The following DLGAP2 variants were observed in gnomAD, a reference collection of about 807,000 sequenced individuals.
DLGAP2 encodes disks large-associated protein 2.
Under a neutral mutation model 100.3 loss-of-function variants are expected in DLGAP2, and 26 were observed. The observed-to-expected ratio is 0.26, with a 90% CI of 0.19 to 0.36. The LOEUF is 0.36. Among genes scored for constraint, DLGAP2 ranks in the 10% least tolerant of loss-of-function variants. The pLI, the probability that DLGAP2 is intolerant of heterozygous loss-of-function variation, is 1.00. For synonymous variants in DLGAP2, 886 were observed against 630.1 expected, an observed-to-expected ratio of 1.41 and a Z score of -6.08; for missense variants, 1,858 against 1,453.2, an observed-to-expected ratio of 1.28 and a Z score of -4.53.
At chr8:1,438,318 G>A (rs1797712113) in intron 3 of DLGAP2, among the ~76,000 whole-genome samples, 1 of 152,186 alleles carries the variant, frequency 6.6e-6, no homozygotes, top group Non-Finnish European at 1.5e-5. Flanking sequence ...TTCCATTACT[G>A]AGAATTAAAA....
At chr8:1,653,273 T>C (rs181067577) in intron 8 of DLGAP2, among the ~76,000 whole-genome samples, 24 of 150,490 alleles carry the variant, frequency 1.6e-4, no homozygotes, top group African/African-American at 5.9e-4. Flanking sequence ...ACACTGGCAT[T>C]GCATTGGTTC....
At chr8:1,543,118 C>T (rs531821579) in intron 4 of DLGAP2, among the ~76,000 whole-genome samples, 12 of 152,316 alleles carry the variant, frequency 7.9e-5, no homozygotes, top group African/African-American at 2.6e-4. Context: ...TTCACAAATA[C>T]GTGATTTACA....
intron 3 of DLGAP2, among the ~76,000 whole-genome samples, chr8:1,299,532 C>G (rs1800280434): frequency 6.6e-6 from 1 of 152,188 alleles, no homozygotes; most frequent in African/African-American, 2.4e-5. Context: ...ACGGTCCATG[C>G]CAACTGCAAC....
chr8:1,005,121 A>C (rs1480630349), intron 2 of DLGAP2, among the ~76,000 whole-genome samples: 5 of 152,218 alleles, frequency 3.3e-5, no homozygotes, highest in Admixed American at 2.6e-4. Context: ...GAAAAGATCG[A>C]AAGTAGTGTC....
chr8:1,209,269 C>T (rs1418051736), intron 2 of DLGAP2, among the ~76,000 whole-genome samples: 1 of 152,138 alleles, frequency 6.6e-6, no homozygotes, highest in Non-Finnish European at 1.5e-5. Flanking sequence ...AGGCTATAAT[C>T]ACCAAAACAG....
chr8:1,366,754 G>A (rs1365189561), intron 3 of DLGAP2, among the ~76,000 whole-genome samples: 2 of 152,170 alleles, frequency 1.3e-5, no homozygotes, highest in African/African-American at 2.4e-5. Context: ...CATCCAGGAG[G>A]CTGGACCTTC....
intron 2 of DLGAP2, among the ~76,000 whole-genome samples, chr8:1,021,239 A>C (rs545057709): frequency 6.6e-6 from 1 of 152,298 alleles, no homozygotes; most frequent in East Asian, 1.9e-4. Context: ...GAAGGATGGA[A>C]CGCATAGATT....
intron 2 of DLGAP2, among the ~76,000 whole-genome samples, chr8:1,155,782 G>C (rs557311724): frequency 6.6e-5 from 10 of 152,334 alleles, no homozygotes; most frequent in African/African-American, 2.4e-4. Flanking sequence ...GGACGCCCCG[G>C]TTCGGGGGCA....
At chr8:1,515,910 G>C (rs936578309) in intron 4 of DLGAP2, among the ~76,000 whole-genome samples, 17 of 152,232 alleles carry the variant, frequency 1.1e-4, no homozygotes, top group African/African-American at 4.1e-4. Context: ...ACAATGTGCA[G>C]TTCCCTTAAT....
chr8:1,066,609 C>T (rs1025259854), intron 2 of DLGAP2, among the ~76,000 whole-genome samples: 3 of 151,912 alleles, frequency 2.0e-5, no homozygotes, highest in African/African-American at 7.3e-5. Context: ...TGAGTGAGGG[C>T]AGCTCCCCAC....
intron 3 of DLGAP2, among the ~76,000 whole-genome samples, chr8:1,479,363 G>T (rs923056052): frequency 4.6e-5 from 7 of 152,234 alleles, no homozygotes; most frequent in African/African-American, 1.7e-4. Context: ...CTCTGGGGAC[G>T]AAAGTGACCT....
At chr8:1,691,428 T>G (rs1466278166) in intron 12 of DLGAP2, 107 bp from the exon 13 acceptor site, 1 of 936,440 alleles carries the variant, frequency 1.1e-6, no homozygotes, top group Non-Finnish European at 1.6e-6. Flanking sequence ...AGTCGTCAGT[T>G]TTCATCTCCA....
At chr8:760,438 C>T (rs1026320701) in intron 1 of DLGAP2, among the ~76,000 whole-genome samples, 6 of 152,226 alleles carry the variant, frequency 3.9e-5, no homozygotes, top group South Asian at 2.1e-4. Context: ...TGTTGATGTC[C>T]GTCTTCAAAT....
At chr8:1,060,735 C>T (rs1246650645) in intron 2 of DLGAP2, among the ~76,000 whole-genome samples, 3 of 152,242 alleles carry the variant, frequency 2.0e-5, no homozygotes, top group Non-Finnish European at 2.9e-5. Flanking sequence ...GACTGCCCCA[C>T]ATTTCAGGGC....
intron 2 of DLGAP2, among the ~76,000 whole-genome samples, chr8:1,156,497 G>A (rs1035048562): frequency 6.6e-5 from 10 of 152,164 alleles, no homozygotes; most frequent in East Asian, 1.9e-4. Flanking sequence ...GGCACAACCC[G>A]TCACACAAGA....
chr8:1,102,938 G>C (rs1218795262), intron 2 of DLGAP2, among the ~76,000 whole-genome samples: 1 of 151,850 alleles, frequency 6.6e-6, no homozygotes, highest in Admixed American at 6.6e-5. Flanking sequence ...GTCCCTATGA[G>C]TCTCTGGGGT....
intron 2 of DLGAP2, among the ~76,000 whole-genome samples, chr8:1,223,503 T>C (rs1247004259): frequency 1.3e-5 from 2 of 152,234 alleles, no homozygotes; most frequent in African/African-American, 4.8e-5. Flanking sequence ...GTTTAAAATA[T>C]TAAAGAAAAA....
intron 2 of DLGAP2, among the ~76,000 whole-genome samples, chr8:1,148,158 A>AT (rs1179870663): frequency 1.3e-5 from 2 of 152,194 alleles, no homozygotes; most frequent in South Asian, 4.1e-4. Context: ...GACTGTTAAG[A>AT]TTTTTTTATT....
At chr8:1,565,453 T>A (rs1432501701) in intron 5 of DLGAP2, 2 of 440,788 alleles carry the variant, frequency 4.5e-6, no homozygotes, top group Non-Finnish European at 7.9e-6. Context: ...TTCTCACATG[T>A]TCTCACTTTA....
Sources: allele counts gnomAD v4.1 joint callset (sites outside exome capture counted in the v4.1 genomes callset), GRCh38; gene constraint gnomAD v4.1.1; transcripts MANE v1.5; gene names NCBI Gene and HGNC (gene_info 2026-07-23, HGNC 2026-07-21).